The following DNAH14 variants were observed in gnomAD, a reference collection of about 807,000 sequenced individuals.
The protein encoded by DNAH14 is dynein axonemal heavy chain 14, also known as axonemal beta dynein heavy chain 14.
Under a neutral mutation model 520.9 loss-of-function variants are expected in DNAH14, and 478 were observed. The observed-to-expected ratio is 0.92, with a 90% CI of 0.85 to 0.99. The LOEUF (loss-of-function observed/expected upper bound fraction) is 0.99, where lower values mean the gene tolerates loss of function less well. DNAH14 is among the 50% of genes least tolerant of loss of function. DNAH14 has a pLI of 0.00. For missense variants in DNAH14, 4,831 were observed against 5,234.5 expected (o/e 0.92, Z 2.38); for synonymous variants, 1,581 against 1,757.2 (o/e 0.90, Z 2.51).
intron 50 of DNAH14, 114 bp from the exon 51 acceptor site, chr1:225,271,792 A>T: frequency 1.3e-6 from 1 of 797,396 alleles, no homozygotes; most frequent in Non-Finnish European, 1.9e-6. Flanking sequence ...TTTAACATTT[A>T]ATGAAATTAA....
intron 17 of DNAH14, among the ~76,000 whole-genome samples, chr1:225,059,153 G>A (rs2069612289): frequency 2.0e-5 from 3 of 152,108 alleles, no homozygotes. Context: ...ATTATTGTGT[G>A]GGAGTCTAAG....
At chr1:225,044,052 T>C in intron 15 of DNAH14, 69 bp downstream of exon 15, 3 of 896,308 alleles carry the variant, frequency 3.3e-6, no homozygotes, top group Non-Finnish European at 5.1e-6. Flanking sequence ...TTTAAGCATC[T>C]GATGCCTTTA....
Position 225,002,906 on chromosome 1 carries a change from A to G in DNAH14, c.954A>G (p.Leu318=), listed in dbSNP as rs2147806991. Residue 318 remains leucine, a synonymous_variant, in exon 9 of 86, where the codon CTA becomes CTG. Coordinates refer to ENST00000682510, the MANE Select transcript of DNAH14 (RefSeq NM_001367479.1). ...LKNYNDHENN[L]SAICLVKLDS... is the part of the protein sequence containing the mutation. ...ATTATAATGACCATGAAAATAATCT[A>G]TCTGCCATATGCCTTGTAAAGGTGA... 3 of 1,549,042 alleles carry G rather than the reference A, an allele frequency of 1.9e-6. No individual in the cohort carries two copies. The highest frequency in any genetic ancestry group is 1.7e-4 in the Middle Eastern group (1 of 5,956).
intron 85 of DNAH14, 69 bp downstream of exon 85, chr1:225,398,735 C>T: frequency 6.7e-7 from 1 of 1,502,072 alleles, no homozygotes; most frequent in Non-Finnish European, 8.9e-7. Flanking sequence ...ACAAACCACT[C>T]TTATTCCCAT....
At chr1:225,185,853 T>G (rs977311779) in intron 37 of DNAH14, among the ~76,000 whole-genome samples, 6 of 151,550 alleles carry the variant, frequency 4.0e-5, no homozygotes, top group Non-Finnish European at 8.9e-5. Flanking sequence ...CTGGAATGTA[T>G]TTAATATTTA....
chr1:225,025,333 AATATATAT>A (rs10653727), intron 11 of DNAH14, among the ~76,000 whole-genome samples: 1 of 146,930 alleles, frequency 6.8e-6, no homozygotes, highest in South Asian at 2.2e-4. Flanking sequence ...TCTTATCTCA[AATATATAT>A]ATATATATAT....
At chr1:225,122,358 C>A (rs2077367308) in intron 26 of DNAH14, among the ~76,000 whole-genome samples, 1 of 152,152 alleles carries the variant, frequency 6.6e-6, no homozygotes, top group African/African-American at 2.4e-5. Flanking sequence ...GTGGAAGGAC[C>A]TAGTCTGTGA....
intron 21 of DNAH14, among the ~76,000 whole-genome samples, chr1:225,089,523 T>TA (rs1478523037): frequency 1.3e-5 from 2 of 150,790 alleles, no homozygotes; most frequent in African/African-American, 4.9e-5. Context: ...AGGAGATATT[T>TA]AAAAAATTTT....
At chr1:225,085,231 A>C (rs1183034366) in intron 20 of DNAH14, among the ~76,000 whole-genome samples, 4 of 152,060 alleles carry the variant, frequency 2.6e-5, no homozygotes, top group Non-Finnish European at 5.9e-5. Flanking sequence ...GGGCAGAGGA[A>C]AGAATGCTGA....
chr1:225,336,160 A>G (rs2095048168), intron 66 of DNAH14, among the ~76,000 whole-genome samples: 1 of 149,732 alleles, frequency 6.7e-6, no homozygotes, highest in African/African-American at 2.4e-5. Context: ...GCAACCTCAT[A>G]TATATATATA....
chr1:225,348,261 T>C (rs2095315672), intron 71 of DNAH14, among the ~76,000 whole-genome samples: 1 of 151,872 alleles, frequency 6.6e-6, no homozygotes, highest in Admixed American at 6.6e-5. Flanking sequence ...ATATGCAATA[T>C]GGCACTCCCA....
At chr1:225,121,423 C>G (rs1333506132) in intron 26 of DNAH14, among the ~76,000 whole-genome samples, 1 of 152,174 alleles carries the variant, frequency 6.6e-6, no homozygotes, top group Non-Finnish European at 1.5e-5. Flanking sequence ...CTTTCACCCT[C>G]TGGTTAACAC....
At chr1:225,355,185 C>G (rs2095416267) in intron 73 of DNAH14, among the ~76,000 whole-genome samples, 1 of 152,168 alleles carries the variant, frequency 6.6e-6, no homozygotes, top group African/African-American at 2.4e-5. Flanking sequence ...CCAGCAGATT[C>G]AGTGGCTGGT....
chr1:225,218,462 A>T (rs1212293185), intron 41 of DNAH14, among the ~76,000 whole-genome samples: 3 of 151,262 alleles, frequency 2.0e-5, no homozygotes, highest in Admixed American at 6.6e-5. Context: ...ATAGAAGAAG[A>T]TCTACCAAGC....
chr1:225,204,406 A>T (rs560836304), intron 39 of DNAH14, 133 bp downstream of exon 39: 321 of 515,982 alleles, frequency 6.2e-4, no homozygotes, highest in African/African-American at 5.7e-3. Context: ...ATTTGTTCGT[A>T]TGTTTATTTA....
chr1:225,381,681 T>C (rs2095785469), intron 81 of DNAH14, 102 bp downstream of exon 81: 3 of 940,800 alleles, frequency 3.2e-6, no homozygotes, highest in Non-Finnish European at 1.6e-6. Flanking sequence ...TGATGAAATA[T>C]GTAACTCTTA....
chr1:225,049,874 G>C (rs116062857), intron 15 of DNAH14, among the ~76,000 whole-genome samples: 1 of 152,040 alleles, frequency 6.6e-6, no homozygotes, highest in African/African-American at 2.4e-5. Context: ...TTGAGGCTGT[G>C]TCTCCTGATT....
intron 55 of DNAH14, among the ~76,000 whole-genome samples, chr1:225,294,112 C>T (rs1367887426): frequency 6.6e-6 from 1 of 152,096 alleles, no homozygotes; most frequent in Non-Finnish European, 1.5e-5. Flanking sequence ...AGGTACTTTC[C>T]TTCAATAGCT....
At chr1:225,276,942 A>G (rs1344093664) in intron 53 of DNAH14, among the ~76,000 whole-genome samples, 1 of 68,950 alleles carries the variant, frequency 1.5e-5, no homozygotes, top group Non-Finnish European at 2.9e-5. Context: ...AGAAGAAGAA[A>G]AAGGAAGGAA....
Sources: gnomAD v4.1 joint callset for allele counts (sites outside exome capture counted in the v4.1 genomes callset) on GRCh38, gnomAD v4.1.1 for gene constraint, MANE v1.5 for transcripts, NCBI Gene and HGNC (gene_info 2026-07-23, HGNC 2026-07-21) for gene names.